The following PCDH15 variants were observed in gnomAD, a reference collection of about 807,000 sequenced individuals.
PCDH15 encodes the protein protocadherin related 15, also known as protocadherin-15.
PCDH15 carries 129 observed loss-of-function variants against 178.5 expected under a neutral mutation model. The observed-to-expected ratio is 0.72, with a 90% CI of 0.63 to 0.84. The LOEUF (loss-of-function observed/expected upper bound fraction) is 0.84. Among genes scored for constraint, PCDH15 ranks in the 40% least tolerant of loss-of-function variants. The probability of loss-of-function intolerance (pLI) is 0.00; values close to 1 mark genes in which losing one functional copy is unlikely to be tolerated. For missense variants in PCDH15, 2,230 were observed against 2,099.9 expected, an observed-to-expected ratio of 1.06 and a Z score of -1.21; for synonymous variants, 800 against 732.0, an observed-to-expected ratio of 1.09 and a Z score of -1.50.
At chr10:55,592,146 A>G (rs959588157) in intron 2 of PCDH15, among the ~76,000 whole-genome samples, 13 of 152,176 alleles carry the variant, frequency 8.5e-5, no homozygotes, top group African/African-American at 2.7e-4. Context: ...GAGATTTCTT[A>G]TTGCGCCGGT....
intron 2 of PCDH15, among the ~76,000 whole-genome samples, chr10:55,157,155 T>TA (rs1280017661): frequency 2.6e-5 from 4 of 152,032 alleles, no homozygotes. Context: ...ATAAAATCAT[T>TA]AAAAACATAT....
Position 54,770,818 on chromosome 10 carries a change from C to T in PCDH15, c.-29+30107G>A, listed in dbSNP as rs147704681. The stretch of plus-strand genomic sequence containing the variant: ...AAATATATGCTCATGAGTTCCCCTT[C>T]ACTAGACCCCCAGAGCTGCCCTTAT... On this transcript the variant is annotated intron_variant, in intron 1 of 37. Transcript: ENST00000644397. Among the ~76,000 whole-genome samples the T allele has an allele frequency of 3.0e-4, 46 of 152,134 alleles. No homozygotes were observed. The East Asian group carries it at 8.7e-3, about 29-fold the overall frequency.
At chr10:55,065,079 AG>A (rs1841529830) in intron 2 of PCDH15, among the ~76,000 whole-genome samples, 2 of 152,256 alleles carry the variant, frequency 1.3e-5, no homozygotes, top group African/African-American at 4.8e-5. Flanking sequence ...GCTCAGCAAT[AG>A]GACTTGTCTA....
chr10:54,756,920 G>A (rs1947208127), intron 1 of PCDH15, among the ~76,000 whole-genome samples: 1 of 152,146 alleles, frequency 6.6e-6, no homozygotes, highest in African/African-American at 2.4e-5. Flanking sequence ...TTCCTAAGTA[G>A]GAGGGAGCTG....
At chr10:55,016,773 T>C (rs1345876216) in intron 2 of PCDH15, among the ~76,000 whole-genome samples, 2 of 152,174 alleles carry the variant, frequency 1.3e-5, no homozygotes, top group African/African-American at 4.8e-5. Context: ...AGCAGTGGGA[T>C]TGCTGGATCA....
In PCDH15 at chr10:54,434,810, A is replaced by G. The variant is rs533334139; in HGVS notation, c.158-55868T>C. Among the ~76,000 whole-genome samples, 5 of 152,248 alleles carry G rather than the reference A, an allele frequency of 3.3e-5. No homozygotes were observed. In the South Asian group the frequency reaches 1.0e-3, roughly 32 times the overall value. On this transcript the variant is annotated intron_variant, in intron 3 of 37. Transcript: ENST00000644397. ...AATCCCTTAACACAAAAATTATGAC[A>G]TTTTCTTACATCTTTTACTTTGTTA...
intron 1 of PCDH15, among the ~76,000 whole-genome samples, chr10:55,223,270 G>A (rs1345840951): frequency 6.6e-6 from 1 of 152,078 alleles, no homozygotes; most frequent in Non-Finnish European, 1.5e-5. Context: ...TAAGTTAAAA[G>A]CCCCTTGGTC....
chr10:54,752,884 C>G (rs945526), intron 1 of PCDH15, among the ~76,000 whole-genome samples: 1 of 151,734 alleles, frequency 6.6e-6, no homozygotes, highest in African/African-American at 2.4e-5. Context: ...AAAATTCAGA[C>G]AGTCTTATAG....
intron 27 of PCDH15, among the ~76,000 whole-genome samples, chr10:53,858,517 A>G (rs1208512680): frequency 2.0e-5 from 3 of 152,188 alleles, no homozygotes. Context: ...TTTCCTAGAT[A>G]TTTCAGTTTT....
intron 2 of PCDH15, among the ~76,000 whole-genome samples, chr10:55,020,427 A>G (rs1322836830): frequency 6.6e-6 from 1 of 151,998 alleles, no homozygotes; most frequent in Non-Finnish European, 1.5e-5. Context: ...GATGGATGCA[A>G]ATTTTTTAAT....
chr10:54,684,719 T>C (rs1234362966), intron 1 of PCDH15, among the ~76,000 whole-genome samples: 1 of 152,068 alleles, frequency 6.6e-6, no homozygotes, highest in Non-Finnish European at 1.5e-5. Flanking sequence ...TTAAATCAGA[T>C]TTTCAAAGTT....
At chr10:54,925,478 G>A (rs2131847760) in intron 2 of PCDH15, among the ~76,000 whole-genome samples, 1 of 151,912 alleles carries the variant, frequency 6.6e-6, no homozygotes, top group African/African-American at 2.4e-5. Context: ...ATAGTTCTTT[G>A]AGGAATGTCA....
chr10:53,978,538 G>A (rs1458021308), intron 21 of PCDH15, among the ~76,000 whole-genome samples: 2 of 152,118 alleles, frequency 1.3e-5, no homozygotes, highest in Non-Finnish European at 2.9e-5. Flanking sequence ...GGGAGGGGAT[G>A]CTGTGAATGT....
At chr10:55,241,012 C>T (rs558613714) in intron 1 of PCDH15, among the ~76,000 whole-genome samples, 20 of 152,212 alleles carry the variant, frequency 1.3e-4, no homozygotes, top group Admixed American at 7.2e-4. Flanking sequence ...GTCAGGAGAT[C>T]GAGACCATCC....
At chr10:54,695,320 A>T (rs1301079789) in intron 1 of PCDH15, among the ~76,000 whole-genome samples, 2 of 152,208 alleles carry the variant, frequency 1.3e-5, no homozygotes, top group Non-Finnish European at 2.9e-5. Flanking sequence ...AGCCTAATCC[A>T]GAACAAGGCC....
intron 3 of PCDH15, among the ~76,000 whole-genome samples, chr10:54,413,172 ATCTCTC>A (rs36062781): frequency 6.6e-6 from 1 of 151,108 alleles, no homozygotes; most frequent in Non-Finnish European, 1.5e-5. Context: ...ACAATATAGC[ATCTCTC>A]TCTCTCTCAA....
intron 2 of PCDH15, among the ~76,000 whole-genome samples, chr10:55,040,675 C>A (rs1166398654): frequency 6.6e-6 from 1 of 152,126 alleles, no homozygotes; most frequent in Non-Finnish European, 1.5e-5. Flanking sequence ...CACATACACA[C>A]AATCTTTAAA....
chr10:55,335,826 G>A (rs550742729), intron 2 of PCDH15, among the ~76,000 whole-genome samples: 11 of 152,046 alleles, frequency 7.2e-5, no homozygotes, highest in Non-Finnish European at 1.5e-4. Flanking sequence ...CCTCATAATA[G>A]CTATAGTTTT....
intron 1 of PCDH15, among the ~76,000 whole-genome samples, chr10:55,208,561 A>C (rs1591990460): frequency 6.6e-6 from 1 of 152,012 alleles, no homozygotes; most frequent in East Asian, 1.9e-4. Context: ...TCTTTTCCCA[A>C]TATTGGGAAA....
Sources: gnomAD v4.1 joint callset for allele counts (sites outside exome capture counted in the v4.1 genomes callset) on GRCh38, gnomAD v4.1.1 for gene constraint, MANE v1.5 for transcripts, NCBI Gene and HGNC (gene_info 2026-07-23, HGNC 2026-07-21) for gene names.